USP7: variants seen among roughly 807,000 people sequenced by gnomAD.
USP7 encodes the protein ubiquitin specific peptidase 7, also known as ubiquitin C-terminal hydrolase 7.
A neutral mutation model predicts 162.9 loss-of-function variants in USP7; 9 were observed. The ratio of observed to expected loss-of-function variants is 0.06; its 90% CI spans 0.03 to 0.10. USP7 has a LOEUF of 0.10. Among genes scored for constraint, USP7 ranks in the 10% least tolerant of loss-of-function variants. The pLI is 1.00. For synonymous variants in USP7, 562 were observed against 475.9 expected (o/e 1.18, Z -2.35); for missense variants, 715 against 1,373.7 (o/e 0.52, Z 7.58).
intron 13 of USP7, 148 bp from the exon 14 acceptor site, chr16:8,905,479 A>G: frequency 2.1e-6 from 2 of 970,276 alleles, no homozygotes; most frequent in Non-Finnish European, 3.1e-6. Context: ...CAGGCACACA[A>G]TCTGACGGTG....
chr16:8,927,166 CA>C (rs1335689538), intron 2 of USP7, among the ~76,000 whole-genome samples: 1 of 151,694 alleles, frequency 6.6e-6, no homozygotes, highest in Non-Finnish European at 1.5e-5. Flanking sequence ...ACTAAAAATA[CA>C]AAAAATTAGC....
intron 1 of USP7, among the ~76,000 whole-genome samples, chr16:8,943,120 A>G (rs770721553): frequency 4.6e-5 from 7 of 152,178 alleles, no homozygotes; most frequent in East Asian, 1.9e-4. Flanking sequence ...GCCCCAAAGA[A>G]GGCCACATAT....
intron 16 of USP7, among the ~76,000 whole-genome samples, chr16:8,902,894 G>A (rs4985063): frequency 0.6 from 91,915 of 152,004 alleles, 27,957 homozygotes; most frequent in East Asian, 0.66. Context: ...AAGAAAAAAA[G>A]ACTGTGATTC....
intron 6 of USP7, 131 bp from the exon 7 acceptor site, chr16:8,917,287 CT>C: frequency 9.2e-7 from 1 of 1,088,534 alleles, no homozygotes; most frequent in Non-Finnish European, 1.2e-6. Context: ...GTTGTTAGGG[CT>C]TTTAACGATC....
Position 8,905,177 on chromosome 16 carries a change from C to CACT in USP7, c.1573+7_1573+9dup. The CACT allele has an allele frequency of 6.2e-7, 1 of 1,612,832 alleles. No individual in the cohort carries two copies. Among genetic ancestry groups the CACT allele is most frequent in the Non-Finnish European group, 8.5e-7 (1 of 1,178,852 alleles). On this transcript the variant is annotated intron_variant, in intron 14 of 30. Transcript: ENST00000344836. ...CAGTAAAGAACAGAACAAAAGTGAACACTACTCACTCAGTTTTGATTCCCT... is the reference window on the plus strand; with the variant it reads ...CAGTAAAGAACAGAACAAAAGTGAACACTACTACTCACTCAGTTTTGATTCCCT...
In USP7 at chr16:8,899,730, T is replaced by G; in HGVS notation, c.2337A>C (p.Glu779Asp). 6.2e-7 allele frequency: 1 copy of G among 1,614,190 alleles called. No homozygotes were observed. The highest frequency in any genetic ancestry group is 8.5e-7 in the Non-Finnish European group (1 of 1,180,020). ...GGAAATACTCCTTTGCGGTGGGTAATTCACTGTTATCATTTTCAGGGTCAT... is the reference window on the plus strand; with the variant it reads ...GGAAATACTCCTTTGCGGTGGGTAAGTCACTGTTATCATTTTCAGGGTCAT... ...QKDDPENDNS[E>D]LPTAKEYFRD... The change falls in exon 22 of 31, where the codon GAA (glutamate) becomes GAC (aspartate). Residue 779 changes from glutamate (E) to aspartate (D), a missense_variant. Coordinates refer to ENST00000344836, the MANE Select transcript of USP7 (RefSeq NM_003470.3).
intron 1 of USP7, chr16:8,956,443 T>C (rs916804412): frequency 6.6e-6 from 1 of 152,194 alleles, no homozygotes; most frequent in African/African-American, 2.4e-5. Context: ...CTCACAACAG[T>C]GTCTCCACCC....
intron 16 of USP7, 62 bp downstream of exon 16, chr16:8,903,204 TGA>T (rs1481647337): frequency 6.4e-7 from 1 of 1,570,162 alleles, no homozygotes; most frequent in Non-Finnish European, 8.7e-7. Context: ...TATTTTCTAG[TGA>T]CACGGAAGGA....
chr16:8,913,926 T>C (rs762597278), intron 10 of USP7, among the ~76,000 whole-genome samples: 1 of 151,796 alleles, frequency 6.6e-6, no homozygotes, highest in African/African-American at 2.4e-5. Context: ...TTTGTAGAGA[T>C]GGAGTCTCAC....
At chr16:8,956,381 G>T (rs1899800605) in intron 1 of USP7, 1 of 152,198 alleles carries the variant, frequency 6.6e-6, no homozygotes, top group African/African-American at 2.4e-5. Context: ...CAGATAACAT[G>T]GGCTCTTTCC....
intron 1 of USP7, among the ~76,000 whole-genome samples, chr16:8,945,885 CA>C (rs929688808): frequency 5.4e-5 from 8 of 146,960 alleles, no homozygotes; most frequent in African/African-American, 1.0e-4. Context: ...ACCCCACTTC[CA>C]AAAAAAAAGT....
intron 3 of USP7, 113 bp from the exon 4 acceptor site, chr16:8,921,408 C>T: frequency 8.1e-7 from 1 of 1,235,496 alleles, no homozygotes; most frequent in African/African-American, 1.5e-5. Flanking sequence ...TCATTGCTCT[C>T]TCCTTTCGGG....
intron 1 of USP7, among the ~76,000 whole-genome samples, chr16:8,960,045 C>T (rs1567251839): frequency 6.6e-6 from 1 of 152,218 alleles, no homozygotes; most frequent in Admixed American, 6.5e-5. Flanking sequence ...GATTCAATAG[C>T]GTCTACACCG....
At position 8,895,055 on chromosome 16, in the gene USP7, G is replaced by A. The variant is rs1324736801; in HGVS notation, c.3015C>T (p.Ile1005=). 4 of 1,614,122 alleles carry A rather than the reference G, an allele frequency of 2.5e-6. No homozygotes were observed. Among genetic ancestry groups the A allele is most frequent in the African/African-American group, 2.7e-5 (2 of 74,938 alleles). The part of the protein sequence containing the change: ...FHKEVFGTFG[I]PFLLRIHQGE... ...CCTGGTGTATCCTCAGCAAAAACGG[G>A]ATTCCGAACGTTCCGAAGACCTCTT... is the stretch of plus-strand genomic sequence containing the variant. The change falls in exon 28 of 31, where the codon ATC becomes ATT. Residue 1005 remains isoleucine (I), a synonymous_variant. Coordinates refer to ENST00000344836, the MANE Select transcript of USP7 (RefSeq NM_003470.3).
At chr16:8,909,360 T>C (rs1280210102) in intron 11 of USP7, among the ~76,000 whole-genome samples, 2 of 152,110 alleles carry the variant, frequency 1.3e-5, no homozygotes, top group East Asian at 3.9e-4. Context: ...GGCACACCCA[T>C]ATGCCAAGGT....
At chr16:8,899,829 T>C (rs1266653438) in intron 21 of USP7, 72 bp from the exon 22 acceptor site, 3 of 1,539,146 alleles carry the variant, frequency 1.9e-6, no homozygotes, top group South Asian at 2.2e-5. Context: ...AATGGCATCA[T>C]CTTTTACACA....
chr16:8,961,417 G>A lies in USP7; in HGVS notation c.79+1790C>T, dbSNP rs1276355960. On this transcript the variant is annotated intron_variant, in intron 1 of 30. Coordinates refer to ENST00000344836, the MANE Select transcript of USP7 (RefSeq NM_003470.3). ...TGAGGCAGGAAAATCGCTTGAACCC[G>A]GGAGACGGAGGTTGTAGTGACCCGA... Among the ~76,000 whole-genome samples, 10 of 149,612 alleles carry A rather than the reference G, an allele frequency of 6.7e-5. No individual in the cohort carries two copies. The Middle Eastern group carries it at 0.021, about 312-fold the overall frequency.
At chr16:8,922,790 A>C (rs1261038068) in intron 3 of USP7, among the ~76,000 whole-genome samples, 1 of 152,240 alleles carries the variant, frequency 6.6e-6, no homozygotes, top group Non-Finnish European at 1.5e-5. Flanking sequence ...ATGTTCCTCA[A>C]GTCAGAGGGC....
chr16:8,934,964 G>C (rs1898605848), intron 1 of USP7, among the ~76,000 whole-genome samples: 2 of 152,226 alleles, frequency 1.3e-5, no homozygotes, highest in South Asian at 4.1e-4. Flanking sequence ...TAGTCCAGAA[G>C]TAAATGATGA....
Sources: allele counts gnomAD v4.1 joint callset (sites outside exome capture counted in the v4.1 genomes callset), GRCh38; gene constraint gnomAD v4.1.1; transcripts MANE v1.5; gene names NCBI Gene and HGNC (gene_info 2026-07-23, HGNC 2026-07-21).